IL27: variants seen among roughly 807,000 people sequenced by gnomAD.
IL27 encodes the protein interleukin 27, also known as interleukin-27 subunit alpha.
In IL27, 11 loss-of-function variants were observed where a neutral mutation model predicts 27.0. That is an observed-to-expected ratio of 0.41 (90% CI 0.26 to 0.67). The LOEUF (loss-of-function observed/expected upper bound fraction) is 0.67. IL27 is among the 30% of genes least tolerant of loss of function. IL27 has a pLI of 0.34. For synonymous variants in IL27, 134 were observed against 140.6 expected, an observed-to-expected ratio of 0.95 and a Z score of 0.33; for missense variants, 299 against 310.4, an observed-to-expected ratio of 0.96 and a Z score of 0.28.
intron 1 of IL27, among the ~76,000 whole-genome samples, chr16:28,504,333 T>C (rs971726044): frequency 1.3e-5 from 2 of 151,912 alleles, no homozygotes; most frequent in Admixed American, 1.3e-4. Context: ...CAAAAATTAG[T>C]TGGGCGTGGT....
At position 28,503,753 on chromosome 16, in the gene IL27, G is replaced by T; in HGVS notation, c.245C>A (p.Pro82His). The stretch of plus-strand genomic sequence containing the variant: ...AACATCAGGGAGCTGCTCTCCCAGG[G>T]GCAGGAGGTACAGGTTCACTCCTGG... Reference protein sequence around the residue: ...HLPGVNLYLLPLGEQLPDVSL... With the variant: ...HLPGVNLYLLHLGEQLPDVSL... The change falls in exon 3 of 5, where the codon CCC (proline) becomes CAC (histidine). Residue 82 changes from proline (P) to histidine (H), a missense_variant. Physicochemically the swap from Pro to His is moderately conservative, Grantham distance 77. Transcript: ENST00000356897. 10 of 1,613,876 alleles carry T rather than the reference G, an allele frequency of 6.2e-6. No individual in the cohort carries two copies. The highest frequency in any genetic ancestry group is 8.5e-6 in the Non-Finnish European group (10 of 1,179,870).
At chr16:28,501,769 A>T (rs2046432709) in intron 4 of IL27, among the ~76,000 whole-genome samples, 2 of 151,064 alleles carry the variant, frequency 1.3e-5, no homozygotes, top group Non-Finnish European at 3.0e-5. Flanking sequence ...ACACTGTCAC[A>T]CTCATGGACC....
At position 28,506,821 on chromosome 16, in the gene IL27, C is replaced by A; in HGVS notation, c.-10G>T. ...CTGCCGTCTGGCCCATGGCGGGGCC[C>A]AGCCTCTTTGGTCAGCCATCTCCTG... On this transcript the variant is annotated 5_prime_UTR_variant, in exon 1 of 5. Transcript: ENST00000356897. The A allele has an allele frequency of 6.2e-7, 1 of 1,611,562 alleles. No homozygotes were observed. The highest frequency in any genetic ancestry group is 8.5e-7 in the Non-Finnish European group (1 of 1,178,856).
intron 1 of IL27, among the ~76,000 whole-genome samples, chr16:28,505,916 A>G (rs189478866): frequency 6.1e-4 from 92 of 151,768 alleles, no homozygotes; most frequent in African/African-American, 1.9e-3. Flanking sequence ...AGGGACATCT[A>G]CCTCCCTCGT....
At chr16:28,505,196 G>T (rs1162274433) in intron 1 of IL27, among the ~76,000 whole-genome samples, 1 of 152,236 alleles carries the variant, frequency 6.6e-6, no homozygotes, top group Non-Finnish European at 1.5e-5. Flanking sequence ...CTGATGGCTT[G>T]AACTGGCCAT....
At chr16:28,501,462 TCACAGC>T (rs1246223427) in intron 4 of IL27, among the ~76,000 whole-genome samples, 1 of 135,536 alleles carries the variant, frequency 7.4e-6, no homozygotes, top group East Asian at 2.4e-4. Context: ...ACTCACACAC[TCACAGC>T]CACACACTTT....
intron 1 of IL27, among the ~76,000 whole-genome samples, chr16:28,505,717 C>T (rs1054143604): frequency 6.6e-6 from 1 of 152,234 alleles, no homozygotes; most frequent in East Asian, 1.9e-4. Flanking sequence ...TCATCAATTT[C>T]CCCCTCAGGG....
Position 28,502,002 on chromosome 16 carries a change from C to G in IL27, c.436G>C (p.Asp146His). ...TGGAAGCGGAGGTGCCGCTGCAGAT[C>G]GCGGAGGTCCAGCCTCATGGCCCAC... is the stretch of plus-strand genomic sequence containing the variant. ...QLWAMRLDLR[D>H]LQRHLRFQVL... The change falls in exon 4 of 5, where the codon GAT becomes CAT. Residue 146 changes from aspartate (D) to histidine (H), a missense_variant. By Grantham distance (81) the Asp-to-His change is moderately conservative. Coordinates refer to ENST00000356897, the MANE Select transcript of IL27 (RefSeq NM_145659.3). The G allele has an allele frequency of 6.2e-7, 1 of 1,609,490 alleles. No homozygotes were observed. The highest frequency in any genetic ancestry group is 8.5e-7 in the Non-Finnish European group (1 of 1,179,054).
rs762831936 is a variant in IL27 at position 28,499,863 on chromosome 16, C to T, written c.520G>A (p.Glu174Lys). ...GGGAGCAGCCCCTTCCTCTCCTCCT[C>T]CTCCTCCTCCTCTTCCTCCTCCTCC... ...EEEEEEEEEE[E>K]EERKGLLPGA... The change falls in exon 5 of 5, where the codon GAG (glutamate) becomes AAG (lysine). Residue 174 changes from glutamate to lysine, a missense_variant. By Grantham distance (56) the Glu-to-Lys change is moderately conservative. Transcript: ENST00000356897. The T allele has an allele frequency of 2.6e-6, 4 of 1,555,758 alleles. No individual in the cohort carries two copies. The highest frequency in any genetic ancestry group is 2.4e-5 in the East Asian group (1 of 41,182).
intron 4 of IL27, among the ~76,000 whole-genome samples, chr16:28,500,200 G>T (rs982729687): frequency 1.3e-5 from 2 of 152,206 alleles, no homozygotes; most frequent in African/African-American, 4.8e-5. Context: ...GTTTCTCTCT[G>T]CTGTGAAAGT....
intron 3 of IL27, 41 bp from the exon 4 acceptor site, chr16:28,502,175 A>G: frequency 6.5e-7 from 1 of 1,531,352 alleles, no homozygotes; most frequent in Non-Finnish European, 8.8e-7. Flanking sequence ...CCACAGGCCA[A>G]GGATGGCCAT....
intron 1 of IL27, among the ~76,000 whole-genome samples, chr16:28,505,902 T>C (rs1028878350): frequency 6.6e-6 from 1 of 152,128 alleles, no homozygotes; most frequent in African/African-American, 2.4e-5. Flanking sequence ...GAAGGGGAGC[T>C]TCTAGGGACA....
At chr16:28,501,366 T>G (rs2141736713) in intron 4 of IL27, among the ~76,000 whole-genome samples, 1 of 147,252 alleles carries the variant, frequency 6.8e-6, no homozygotes. Context: ...TCCCATACAC[T>G]CACAGTCTCA....
At chr16:28,506,584 C>T (rs34833) in intron 1 of IL27, among the ~76,000 whole-genome samples, 197 bp downstream of exon 1, 11,540 of 152,164 alleles carry the variant, frequency 0.076, 518 homozygotes, top group East Asian at 0.19. Context: ...CTGCCCAGCC[C>T]TGGGTCAGAC....
At position 28,499,643 on chromosome 16, in the gene IL27, G is replaced by A; in HGVS notation, c.*8C>T. ...AGGGTGGGGGGCAGGGGGCTAAGAA[G>A]CCACCGATCAGGGCTGGGGGCTCAA... On this transcript the variant is annotated 3_prime_UTR_variant, in exon 5 of 5. Transcript: ENST00000356897. 1 of 1,602,578 alleles carries A rather than the reference G, an allele frequency of 6.2e-7. No individual in the cohort carries two copies. Among genetic ancestry groups the A allele is most frequent in the Non-Finnish European group, 8.5e-7 (1 of 1,173,872 alleles).
Position 28,502,185 on chromosome 16 carries a change from T to C in IL27, c.304-51A>G, listed in dbSNP as rs374883926. ...AAGGTCCACAGGCCAAGGATGGCCA[T>C]ATCACACCCACCCCCTCCCTATCCG... On this transcript the variant is annotated intron_variant, in intron 3 of 4. Coordinates refer to ENST00000356897, the MANE Select transcript of IL27 (RefSeq NM_145659.3). The C allele has an allele frequency of 2.7e-5, 41 of 1,502,412 alleles. No homozygotes were observed. In the African/African-American group the frequency reaches 5.3e-4, roughly 19 times the overall value. 93.1% of individuals were successfully genotyped at this position (1,502,412 alleles called of 1,614,324 possible). A position where few individuals can be genotyped will look rare whatever the true frequency, so the allele number is the denominator to read the frequency against.
intron 4 of IL27, among the ~76,000 whole-genome samples, chr16:28,500,792 G>C (rs1251942182): frequency 6.6e-6 from 1 of 152,154 alleles, no homozygotes; most frequent in Non-Finnish European, 1.5e-5. Flanking sequence ...AGATTGAGGG[G>C]CAGCACCAGG....
intron 4 of IL27, among the ~76,000 whole-genome samples, chr16:28,500,492 C>T (rs1253727978): frequency 6.6e-6 from 1 of 152,044 alleles, no homozygotes; most frequent in Admixed American, 6.6e-5. Context: ...CCAGGCTGGT[C>T]TCGAACTCCT....
At chr16:28,503,173 G>C (rs749912633) in intron 3 of IL27, among the ~76,000 whole-genome samples, 71 of 152,120 alleles carry the variant, frequency 4.7e-4, no homozygotes, top group Non-Finnish European at 8.2e-4. Context: ...GGCCAGGCTG[G>C]TCTTGAACTC....
Sources: gnomAD v4.1 joint callset for allele counts (sites outside exome capture counted in the v4.1 genomes callset) on GRCh38, gnomAD v4.1.1 for gene constraint, MANE v1.5 for transcripts, NCBI Gene and HGNC (gene_info 2026-07-23, HGNC 2026-07-21) for gene names.